COL9A3: variants seen among roughly 807,000 people sequenced by gnomAD.
The protein encoded by COL9A3 is collagen alpha-3(IX) chain.
COL9A3 carries 82 observed loss-of-function variants against 110.2 expected under a neutral mutation model. The observed-to-expected ratio is 0.74, with a 90% CI of 0.62 to 0.89. The LOEUF (loss-of-function observed/expected upper bound fraction) is 0.89, where lower values mean the gene tolerates loss of function less well. Among genes scored for constraint, COL9A3 ranks in the 40% least tolerant of loss-of-function variants. The pLI, the probability that COL9A3 is intolerant of heterozygous loss-of-function variation, is 0.00. For missense variants in COL9A3, 1,066 were observed against 981.3 expected (o/e 1.09, Z -1.15); for synonymous variants, 494 against 403.8 (o/e 1.22, Z -2.68).
Position 62,825,968 on chromosome 20 carries a change from T to TG in COL9A3, c.684+104dup, listed in dbSNP as rs1251637984. Reference sequence around the variant, plus strand: ...TACCCCCGAGGGGGCCAGCTCCGGCTGGGGGGTGTTTGGCCAACACCCAGG... The same window carrying TG: ...TACCCCCGAGGGGGCCAGCTCCGGCTGGGGGGGTGTTTGGCCAACACCCAGG... On this transcript the variant is annotated intron_variant, in intron 13 of 31. Transcript: ENST00000649368. 5.8e-6 allele frequency: 8 copies of TG among 1,379,522 alleles called. No individual in the cohort carries two copies. In the African/African-American group the frequency reaches 7.2e-5, roughly 12 times the overall value. 85.5% of individuals were successfully genotyped at this position (1,379,522 alleles called of 1,614,324 possible). A position where few individuals can be genotyped will look rare whatever the true frequency, so the allele number is the denominator to read the frequency against.
intron 24 of COL9A3, among the ~76,000 whole-genome samples, chr20:62,830,940 C>T (rs1244080980): frequency 6.6e-6 from 1 of 151,370 alleles, no homozygotes; most frequent in Non-Finnish European, 1.5e-5. Context: ...TGACCTTCCA[C>T]GTGGTGTTCC....
At position 62,829,497 on chromosome 20, in the gene COL9A3, CGGGTATGT is replaced by C; in HGVS notation, c.1053+1_1053+8del. On this transcript the variant is annotated splice_donor_variant and splice_donor_5th_base_variant and coding_sequence_variant and intron_variant, in exon 20 of 32. Transcript: ENST00000649368. LOFTEE classifies it high-confidence loss of function. ...GGGGTCCAAAGGCGAGAAGGGAGAA[CGGGTATGT>C]GGCTGCAGCCGCTTTCTCTCTGGGA... 6.3e-7 allele frequency: 1 copy of C among 1,599,198 alleles called. No individual in the cohort carries two copies. Among genetic ancestry groups the C allele is most frequent in the South Asian group, 1.1e-5 (1 of 90,668 alleles).
At chr20:62,838,004 G>A (rs559597074) in intron 30 of COL9A3, among the ~76,000 whole-genome samples, 262 of 152,316 alleles carry the variant, frequency 1.7e-3, no homozygotes, top group Middle Eastern at 0.01. Context: ...TTTGAATGAC[G>A]CAATTAGAGG....
At chr20:62,838,105 C>T (rs1402717214) in intron 30 of COL9A3, among the ~76,000 whole-genome samples, 1 of 152,224 alleles carries the variant, frequency 6.6e-6, no homozygotes, top group Non-Finnish European at 1.5e-5. Flanking sequence ...GCTTAATAGG[C>T]ATAAATATTT....
intron 13 of COL9A3, 74 bp downstream of exon 13, chr20:62,825,944 ACC>A: frequency 6.8e-7 from 1 of 1,471,032 alleles, no homozygotes; most frequent in Non-Finnish European, 9.3e-7. Context: ...GCACATATCT[ACC>A]CCCGAGGGGG....
intron 27 of COL9A3, 34 bp from the exon 28 acceptor site, chr20:62,836,153 C>G (rs200095781): frequency 6.2e-7 from 1 of 1,609,422 alleles, no homozygotes; most frequent in South Asian, 1.1e-5. Flanking sequence ...CTCCTGGGCT[C>G]GCCCCTGACC....
rs2063558992 is a variant in COL9A3 at position 62,827,096 on chromosome 20, G to A, written c.793-145G>A. The A allele has an allele frequency of 3.4e-5, 27 of 799,684 alleles. No individual in the cohort carries two copies. In the South Asian group the frequency reaches 3.7e-4, roughly 11 times the overall value. 49.5% of individuals were successfully genotyped at this position (799,684 alleles called of 1,614,324 possible). On this transcript the variant is annotated intron_variant, in intron 15 of 31. Transcript: ENST00000649368. The stretch of plus-strand genomic sequence containing the variant: ...CAGCCATCTCTGACCACTCCTGGAG[G>A]GCCCAGGCCTGGAGGGGCCCCCATC...
intron 9 of COL9A3, 32 bp from the exon 10 acceptor site, chr20:62,822,559 G>T (rs752541958): frequency 1.5e-5 from 24 of 1,610,972 alleles, no homozygotes; most frequent in Non-Finnish European, 1.8e-5. Flanking sequence ...TGGGGAGGGC[G>T]GGAGAATGTC....
intron 15 of COL9A3, 78 bp downstream of exon 15, chr20:62,826,898 C>T (rs1600798665): frequency 6.6e-7 from 1 of 1,515,554 alleles, no homozygotes; most frequent in East Asian, 2.4e-5. Flanking sequence ...CAGACGCCCC[C>T]AGCCCCACTG....
intron 15 of COL9A3, 33 bp downstream of exon 15, chr20:62,826,853 C>T: frequency 1.2e-6 from 2 of 1,609,010 alleles, no homozygotes; most frequent in Non-Finnish European, 1.7e-6. Flanking sequence ...GGCGCCATGC[C>T]TCGTGACCTC....
Position 62,830,347 on chromosome 20 carries a change from C to T in COL9A3, c.1162-13C>T, listed in dbSNP as rs778765566. On this transcript the variant is annotated splice_polypyrimidine_tract_variant and intron_variant, in intron 22 of 31. Transcript: ENST00000649368. ...CCTGAGACATCCGCTCACACCTCAC[C>T]TTTGTCTTCCAGGGGGCCCTCGGCC... The T allele has an allele frequency of 6.4e-7, 1 of 1,568,026 alleles. No individual in the cohort carries two copies. Among genetic ancestry groups the T allele is most frequent in the Non-Finnish European group, 8.7e-7 (1 of 1,155,976 alleles).
chr20:62,826,946 C>T (rs1238409465), intron 15 of COL9A3, 126 bp downstream of exon 15: 13 of 1,061,312 alleles, frequency 1.2e-5, no homozygotes, highest in East Asian at 2.6e-5. Flanking sequence ...CCCTGGACAC[C>T]CTGGGAGGGC....
At chr20:62,828,735 G>C in intron 17 of COL9A3, 29 bp from the exon 18 acceptor site, 1 of 1,612,080 alleles carries the variant, frequency 6.2e-7, no homozygotes, top group Non-Finnish European at 8.5e-7. Flanking sequence ...GCCACTGCCC[G>C]ACGGGCCTTA....
intron 29 of COL9A3, chr20:62,836,740 G>A (rs145894896): frequency 2.0e-4 from 125 of 638,718 alleles, no homozygotes; most frequent in African/African-American, 1.9e-3. Context: ...CTCCCGCCCC[G>A]GATTCAACCA....
chr20:62,822,286 C>T (rs1017877424), intron 9 of COL9A3, 122 bp downstream of exon 9: 1 of 762,786 alleles, frequency 1.3e-6, no homozygotes, highest in East Asian at 2.5e-5. Context: ...CTAACTTGGC[C>T]ACTCCCAGGA....
chr20:62,836,763 G>A (rs958396763), intron 29 of COL9A3: 15 of 623,712 alleles, frequency 2.4e-5, no homozygotes, highest in Admixed American at 2.3e-4. Flanking sequence ...TTCCCAGCAC[G>A]CAGCAGACGC....
intron 14 of COL9A3, 45 bp downstream of exon 14, chr20:62,826,302 G>T: frequency 2.6e-6 from 4 of 1,522,988 alleles, no homozygotes; most frequent in South Asian, 1.2e-5. Flanking sequence ...GTGGCTGGGG[G>T]CCTGGTTGTC....
intron 24 of COL9A3, 86 bp from the exon 25 acceptor site, chr20:62,832,068 G>A: frequency 1.6e-6 from 2 of 1,261,618 alleles, no homozygotes; most frequent in Non-Finnish European, 2.3e-6. Flanking sequence ...GATGTGGGGA[G>A]GTGTTTACCA....
chr20:62,840,582 C>CGGG lies in COL9A3; in HGVS notation c.1907_1908insGGG (p.Gly636dup), dbSNP rs1568768866. ...CCGGCACCAGCAAGGACGGCCAGGA[C>CGGG]GGTGCTCCCGGCGAGCCTGGGCCTC... On this transcript the variant is annotated inframe_insertion, in exon 32 of 32. Transcript: ENST00000649368. The CGGG allele has an allele frequency of 6.2e-7, 1 of 1,612,798 alleles. No individual in the cohort carries two copies. Among genetic ancestry groups the CGGG allele is most frequent in the Non-Finnish European group, 8.5e-7 (1 of 1,179,888 alleles).
Sources: allele counts gnomAD v4.1 joint callset (sites outside exome capture counted in the v4.1 genomes callset), GRCh38; gene constraint gnomAD v4.1.1; transcripts MANE v1.5; gene names NCBI Gene and HGNC (gene_info 2026-07-23, HGNC 2026-07-21).